Variants in CNTNAP5 observed in about 807,000 individuals in gnomAD.
CNTNAP5 encodes the protein contactin-associated protein-like 5.
Under a neutral mutation model 150.2 loss-of-function variants are expected in CNTNAP5, and 72 were observed. That is an observed-to-expected ratio of 0.48 (90% CI 0.40 to 0.58). The LOEUF is 0.58. CNTNAP5 is among the 20% of genes least tolerant of loss of function. The pLI is 0.00. For synonymous variants in CNTNAP5, 672 were observed against 619.8 expected (o/e 1.08, Z -1.25); for missense variants, 1,636 against 1,626.2 (o/e 1.01, Z -0.10).
intron 1 of CNTNAP5, among the ~76,000 whole-genome samples, chr2:124,156,563 T>C (rs1226624569): frequency 6.6e-6 from 1 of 152,184 alleles, no homozygotes; most frequent in Non-Finnish European, 1.5e-5. Flanking sequence ...TGCTGTGGTC[T>C]TGGCTCCCTG....
At chr2:124,627,523 A>C (rs1289201952) in intron 12 of CNTNAP5, among the ~76,000 whole-genome samples, 1 of 44,880 alleles carries the variant, frequency 2.2e-5, no homozygotes, top group Non-Finnish European at 8.1e-5. Flanking sequence ...CAACAACATC[A>C]AAAAAAAAAA....
At chr2:124,663,283 A>T (rs1443937192) in intron 13 of CNTNAP5, among the ~76,000 whole-genome samples, 1 of 152,192 alleles carries the variant, frequency 6.6e-6, no homozygotes, top group Non-Finnish European at 1.5e-5. Context: ...ATTCGCTTGA[A>T]CTGTGCCAAA....
At chr2:124,716,917 G>C (rs1385677181) in intron 13 of CNTNAP5, among the ~76,000 whole-genome samples, 1 of 152,102 alleles carries the variant, frequency 6.6e-6, no homozygotes, top group Non-Finnish European at 1.5e-5. Flanking sequence ...CAAAACTTCT[G>C]TGGTATTCAA....
At chr2:124,512,790 A>T (rs891437575) in intron 8 of CNTNAP5, among the ~76,000 whole-genome samples, 1 of 152,200 alleles carries the variant, frequency 6.6e-6, no homozygotes, top group Non-Finnish European at 1.5e-5. Flanking sequence ...TATAGCCAGT[A>T]GACTTCTGTG....
chr2:124,515,794 G>C (rs559557292), intron 8 of CNTNAP5, among the ~76,000 whole-genome samples: 18 of 152,320 alleles, frequency 1.2e-4, no homozygotes, highest in African/African-American at 4.3e-4. Context: ...GGTCCAGCTG[G>C]AGCAGGGAAT....
intron 3 of CNTNAP5, among the ~76,000 whole-genome samples, chr2:124,330,099 T>C (rs1689312748): frequency 6.6e-6 from 1 of 152,130 alleles, no homozygotes; most frequent in Non-Finnish European, 1.5e-5. Flanking sequence ...CTGGGACCTG[T>C]CAGGAAGTGA....
intron 4 of CNTNAP5, among the ~76,000 whole-genome samples, chr2:124,424,491 T>A (rs1692193617): frequency 1.3e-5 from 2 of 152,196 alleles, no homozygotes; most frequent in Admixed American, 1.3e-4. Flanking sequence ...TTCATTGCAG[T>A]CCCCTCATTA....
intron 1 of CNTNAP5, among the ~76,000 whole-genome samples, chr2:124,026,532 C>G (rs571472017): frequency 1.3e-5 from 2 of 152,326 alleles, no homozygotes; most frequent in Non-Finnish European, 2.9e-5. Flanking sequence ...GTCCGTCAAA[C>G]TTGAATAAAT....
chr2:124,507,131 T>C (rs1396459890), intron 8 of CNTNAP5, among the ~76,000 whole-genome samples: 1 of 152,032 alleles, frequency 6.6e-6, no homozygotes, highest in Non-Finnish European at 1.5e-5. Flanking sequence ...CACCTTGAGA[T>C]TATAGAAAGA....
At position 124,691,065 on chromosome 2, in the gene CNTNAP5, G is replaced by A. The variant is rs546259565; in HGVS notation, c.2077+43107G>A. Among the ~76,000 whole-genome samples, 7 of 152,138 alleles carry A rather than the reference G, an allele frequency of 4.6e-5. No individual in the cohort carries two copies. In the South Asian group the frequency reaches 1.5e-3, roughly 32 times the overall value. ...AGGGGAAACTCCATTTTTATATTTA[G>A]GCTCAACACAATATGAACAACTGTG... On this transcript the variant is annotated intron_variant, in intron 13 of 23. Coordinates refer to ENST00000682447, the MANE Select transcript of CNTNAP5 (RefSeq NM_001367498.1).
chr2:124,651,936 C>A (rs980244576), intron 13 of CNTNAP5, among the ~76,000 whole-genome samples: 1 of 152,134 alleles, frequency 6.6e-6, no homozygotes, highest in African/African-American at 2.4e-5. Context: ...TGCCTGCTCT[C>A]GGCTCCAGCA....
intron 6 of CNTNAP5, among the ~76,000 whole-genome samples, chr2:124,473,252 G>T (rs997480784): frequency 1.4e-5 from 2 of 144,956 alleles, no homozygotes; most frequent in Admixed American, 1.4e-4. Context: ...AACAACGGTG[G>T]GTTCTTGGAA....
chr2:124,158,576 A>G (rs1263909371), intron 1 of CNTNAP5, among the ~76,000 whole-genome samples: 1 of 152,178 alleles, frequency 6.6e-6, no homozygotes, highest in African/African-American at 2.4e-5. Context: ...GAATCCACGG[A>G]TATAGAACCC....
chr2:124,797,355 T>A (rs1681869016), intron 18 of CNTNAP5, among the ~76,000 whole-genome samples: 1 of 152,202 alleles, frequency 6.6e-6, no homozygotes, highest in South Asian at 2.1e-4. Context: ...AGTTTTTAGA[T>A]CCCGTATTTC....
intron 21 of CNTNAP5, among the ~76,000 whole-genome samples, chr2:124,886,056 T>C (rs528772178): frequency 1.3e-5 from 2 of 152,144 alleles, no homozygotes; most frequent in African/African-American, 4.8e-5. Context: ...ATCAAGGAAA[T>C]TGTATATTAC....
intron 12 of CNTNAP5, among the ~76,000 whole-genome samples, chr2:124,622,318 G>T (rs1258106764): frequency 6.6e-6 from 1 of 152,068 alleles, no homozygotes; most frequent in Admixed American, 6.5e-5. Flanking sequence ...TTTTATTGCT[G>T]CATAGTATTC....
intron 13 of CNTNAP5, among the ~76,000 whole-genome samples, chr2:124,678,277 A>C (rs527648065): frequency 3.6e-4 from 54 of 151,664 alleles, no homozygotes; most frequent in Non-Finnish European, 6.9e-4. Flanking sequence ...TTTCCCCTTT[A>C]TCCTTTCTCC....
intron 18 of CNTNAP5, among the ~76,000 whole-genome samples, chr2:124,795,980 T>C (rs1681837302): frequency 2.0e-5 from 3 of 152,250 alleles, no homozygotes; most frequent in Admixed American, 2.0e-4. Context: ...AATATCTTTA[T>C]CCTTTTTGGC....
At chr2:124,811,708 G>GGGGT (rs1558785287) in intron 19 of CNTNAP5, among the ~76,000 whole-genome samples, 1 of 149,610 alleles carries the variant, frequency 6.7e-6, no homozygotes, top group African/African-American at 2.5e-5. Context: ...TTAGGAGGCG[G>GGGGT]GGGGGGTGGA....
Sources: gnomAD v4.1 joint callset for allele counts (sites outside exome capture counted in the v4.1 genomes callset) on GRCh38, gnomAD v4.1.1 for gene constraint, MANE v1.5 for transcripts, NCBI Gene and HGNC (gene_info 2026-07-23, HGNC 2026-07-21) for gene names.